Variants in TPRG1 observed in about 807,000 individuals in gnomAD.
TPRG1 encodes tumor protein p63-regulated gene 1 protein.
In TPRG1, 29 loss-of-function variants were observed where a neutral mutation model predicts 29.3. That is an observed-to-expected ratio of 0.99 (90% CI 0.74 to 1.35). The LOEUF (loss-of-function observed/expected upper bound fraction) is 1.35, where lower values mean the gene tolerates loss of function less well. TPRG1 is among the 40% of genes most tolerant of loss of function. TPRG1 has a pLI of 0.00. For synonymous variants in TPRG1, 130 were observed against 116.8 expected (o/e 1.11, Z -0.73); for missense variants, 327 against 335.0 (o/e 0.98, Z 0.19).
intron 2 of TPRG1, among the ~76,000 whole-genome samples, chr3:189,214,003 A>G (rs996113960): frequency 6.6e-5 from 10 of 152,314 alleles, no homozygotes; most frequent in African/African-American, 2.4e-4. Flanking sequence ...CTTTATAGAT[A>G]TGTCATTTTG....
At chr3:189,250,505 C>CA (rs1491185299) in intron 4 of TPRG1, among the ~76,000 whole-genome samples, 21 of 17,746 alleles carry the variant, frequency 1.2e-3, no homozygotes, top group African/African-American at 3.7e-3. Context: ...CTGATTTCCG[C>CA]CCCCCCCCCC....
intron 4 of TPRG1, among the ~76,000 whole-genome samples, chr3:189,055,362 A>G (rs1030962026): frequency 6.6e-6 from 1 of 152,206 alleles, no homozygotes; most frequent in African/African-American, 2.4e-5. Flanking sequence ...AATAACTTGT[A>G]GAGTAATAGC....
upstream of TPRG1, among the ~76,000 whole-genome samples, chr3:189,095,131 T>C (rs1718590247): frequency 6.6e-6 from 1 of 152,180 alleles, no homozygotes. Flanking sequence ...AAACAAAGAC[T>C]TGATCTTCAG....
chr3:189,217,657 T>C (rs1309981536), intron 3 of TPRG1, among the ~76,000 whole-genome samples: 1 of 152,176 alleles, frequency 6.6e-6, no homozygotes, highest in Non-Finnish European at 1.5e-5. Context: ...AAAAACCTCA[T>C]CGTGGGTTCC....
At chr3:189,092,677 G>T (rs746400983) in intron 4 of TPRG1, among the ~76,000 whole-genome samples, 9 of 152,110 alleles carry the variant, frequency 5.9e-5, no homozygotes, top group Non-Finnish European at 1.2e-4. Flanking sequence ...TTCTACATCT[G>T]CCTGTCTGAC....
At chr3:189,151,508 T>G (rs1184999450) in intron 5 of TPRG1, among the ~76,000 whole-genome samples, 2 of 151,990 alleles carry the variant, frequency 1.3e-5, no homozygotes, top group African/African-American at 4.8e-5. Context: ...CCTTTGGTTG[T>G]AAGAAAGAGA....
At chr3:189,130,628 C>A (rs1327745653) in intron 2 of TPRG1, among the ~76,000 whole-genome samples, 1 of 149,924 alleles carries the variant, frequency 6.7e-6, no homozygotes, top group Non-Finnish European at 1.5e-5. Flanking sequence ...AATGTAGATT[C>A]CCTTCTGTGA....
At chr3:189,199,307 A>G (rs1051638757) in intron 1 of TPRG1, among the ~76,000 whole-genome samples, 1 of 152,218 alleles carries the variant, frequency 6.6e-6, no homozygotes, top group Non-Finnish European at 1.5e-5. Flanking sequence ...ATTTATGAAC[A>G]ATCTCTACAG....
chr3:189,187,963 A>C (rs543702259), intron 1 of TPRG1, among the ~76,000 whole-genome samples: 1 of 152,362 alleles, frequency 6.6e-6, no homozygotes, highest in African/African-American at 2.4e-5. Flanking sequence ...TCAAAAGTAA[A>C]GACATATTTC....
intron 3 of TPRG1, among the ~76,000 whole-genome samples, chr3:189,022,189 A>G (rs1235838673): frequency 6.6e-6 from 1 of 152,118 alleles, no homozygotes; most frequent in Non-Finnish European, 1.5e-5. Context: ...GTCCTCCCGT[A>G]GCTCAGAGTA....
intron 4 of TPRG1, among the ~76,000 whole-genome samples, chr3:189,281,867 A>G (rs1243456475): frequency 3.9e-5 from 6 of 152,018 alleles, no homozygotes; most frequent in Non-Finnish European, 7.4e-5. Context: ...GACACCCACA[A>G]GAGGATTTTA....
At chr3:189,306,751 T>C (rs575940351) in intron 4 of TPRG1, among the ~76,000 whole-genome samples, 1 of 152,258 alleles carries the variant, frequency 6.6e-6, no homozygotes, top group South Asian at 2.1e-4. Context: ...TAGTAGACAC[T>C]CAATATATGC....
intron 3 of TPRG1, among the ~76,000 whole-genome samples, chr3:189,222,425 C>T (rs577188864): frequency 2.6e-4 from 40 of 152,274 alleles, no homozygotes; most frequent in African/African-American, 8.9e-4. Flanking sequence ...ACTACCATTT[C>T]GAAACTGCAT....
At chr3:189,125,412 A>T (rs1438587876) in intron 1 of TPRG1, among the ~76,000 whole-genome samples, 1 of 152,222 alleles carries the variant, frequency 6.6e-6, no homozygotes, top group Non-Finnish European at 1.5e-5. Flanking sequence ...ACTACATTAA[A>T]TGAAGGTGCT....
chr3:189,119,750 T>C (rs868717210), intron 1 of TPRG1, among the ~76,000 whole-genome samples: 8 of 152,188 alleles, frequency 5.3e-5, no homozygotes, highest in African/African-American at 1.9e-4. Flanking sequence ...TCTGCCATGG[T>C]CGTAAGTTTC....
intron 3 of TPRG1, among the ~76,000 whole-genome samples, chr3:189,021,190 G>A (rs1713285342): frequency 6.7e-6 from 1 of 148,854 alleles, no homozygotes; most frequent in African/African-American, 2.5e-5. Context: ...TATCCAATTT[G>A]CCAGTCTGTG....
intron 3 of TPRG1, chr3:189,219,571 G>A (rs750309684): frequency 7.1e-6 from 9 of 1,264,664 alleles, no homozygotes; most frequent in South Asian, 2.7e-5. Flanking sequence ...CTTTTAGAAC[G>A]GATCCATTAA....
intron 4 of TPRG1, 92 bp downstream of exon 4, chr3:189,239,001 G>A: frequency 1.7e-6 from 2 of 1,146,976 alleles, no homozygotes; most frequent in South Asian, 1.7e-5. Context: ...CCTGTAAACT[G>A]GGAGAACCCA....
intron 4 of TPRG1, among the ~76,000 whole-genome samples, chr3:189,046,406 C>T (rs964152998): frequency 6.6e-6 from 1 of 152,096 alleles, no homozygotes; most frequent in African/African-American, 2.4e-5. Flanking sequence ...AAAGATCCAC[C>T]GATTAAATAT....
Sources: allele counts gnomAD v4.1 joint callset (sites outside exome capture counted in the v4.1 genomes callset), GRCh38; gene constraint gnomAD v4.1.1; transcripts MANE v1.5; gene names NCBI Gene and HGNC (gene_info 2026-07-23, HGNC 2026-07-21).